DCLK2: variants seen among roughly 807,000 people sequenced by gnomAD.
The protein encoded by DCLK2 is serine/threonine-protein kinase DCLK2.
A neutral mutation model predicts 78.4 loss-of-function variants in DCLK2; 31 were observed. The observed-to-expected ratio is 0.40, with a 90% CI of 0.30 to 0.53. The LOEUF is 0.53. DCLK2 is among the 20% of genes least tolerant of loss of function. DCLK2 has a pLI of 0.61. For missense variants in DCLK2, 872 were observed against 973.7 expected, an observed-to-expected ratio of 0.90 and a Z score of 1.39; for synonymous variants, 407 against 374.9, an observed-to-expected ratio of 1.09 and a Z score of -0.99.
chr4:150,191,780 C>T (rs1188043987), intron 2 of DCLK2, among the ~76,000 whole-genome samples: 3 of 152,148 alleles, frequency 2.0e-5, no homozygotes, highest in Non-Finnish European at 4.4e-5. Context: ...ATTTGGGTCA[C>T]TTAAATAATA....
chr4:150,104,781 A>T (rs1731141791), intron 2 of DCLK2, among the ~76,000 whole-genome samples: 2 of 152,268 alleles, frequency 1.3e-5, no homozygotes, highest in Admixed American at 1.3e-4. Context: ...ACACTAAAAA[A>T]AAAATTTCTA....
intron 2 of DCLK2, among the ~76,000 whole-genome samples, chr4:150,129,018 A>G (rs539534028): frequency 1.1e-4 from 16 of 152,288 alleles, no homozygotes; most frequent in Admixed American, 9.1e-4. Flanking sequence ...AATATGTGCT[A>G]CTGAGCTTGT....
At chr4:150,120,492 A>G (rs1035962838) in intron 2 of DCLK2, among the ~76,000 whole-genome samples, 4 of 152,316 alleles carry the variant, frequency 2.6e-5, no homozygotes, top group African/African-American at 9.6e-5. Context: ...CAGCCTTAAG[A>G]AGAGGAATTA....
At chr4:150,247,736 T>A (rs747192772) in intron 13 of DCLK2, 37 bp downstream of exon 13, 1 of 1,560,758 alleles carries the variant, frequency 6.4e-7, no homozygotes. Flanking sequence ...TTGTATTACG[T>A]TGTGGGGTCC....
At chr4:150,249,731 A>C (rs775763620) in intron 15 of DCLK2, 47 bp downstream of exon 15, 1 of 1,507,026 alleles carries the variant, frequency 6.6e-7, no homozygotes, top group East Asian at 2.3e-5. Flanking sequence ...GCCGGCCTTG[A>C]AGTTTTTGAA....
chr4:150,132,608 G>C (rs1733396209), intron 2 of DCLK2, among the ~76,000 whole-genome samples: 1 of 151,942 alleles, frequency 6.6e-6, no homozygotes, highest in Non-Finnish European at 1.5e-5. Flanking sequence ...TTTTAAAGAC[G>C]GGGTTTTGCT....
intron 2 of DCLK2, among the ~76,000 whole-genome samples, chr4:150,191,580 GA>G (rs1025258801): frequency 6.6e-6 from 1 of 152,172 alleles, no homozygotes; most frequent in African/African-American, 2.4e-5. Context: ...AACACCAACG[GA>G]GATAGAAGAG....
At chr4:150,092,647 T>G (rs998699777) in intron 1 of DCLK2, among the ~76,000 whole-genome samples, 2 of 152,126 alleles carry the variant, frequency 1.3e-5, no homozygotes, top group Non-Finnish European at 2.9e-5. Flanking sequence ...TGTTTTGGGG[T>G]TTTTGTCCTA....
intron 15 of DCLK2, among the ~76,000 whole-genome samples, chr4:150,250,599 A>C (rs1227781272): frequency 6.6e-6 from 1 of 151,792 alleles, no homozygotes; most frequent in Admixed American, 6.6e-5. Flanking sequence ...TGCCAAGGTG[A>C]TGGGCGTCTG....
At chr4:150,224,598 G>C (rs1204741340) in intron 8 of DCLK2, 40 bp downstream of exon 8, 1 of 1,555,070 alleles carries the variant, frequency 6.4e-7, no homozygotes, top group South Asian at 1.2e-5. Context: ...AGAAACTAGA[G>C]TAACTTGGTG....
chr4:150,154,981 A>G (rs1735159929), intron 2 of DCLK2, among the ~76,000 whole-genome samples: 1 of 152,154 alleles, frequency 6.6e-6, no homozygotes, highest in Non-Finnish European at 1.5e-5. Flanking sequence ...TGTAAATCCC[A>G]GCACTTTGGG....
intron 2 of DCLK2, among the ~76,000 whole-genome samples, chr4:150,188,551 A>C (rs113129483): frequency 1.3e-5 from 2 of 152,290 alleles, no homozygotes; most frequent in Non-Finnish European, 2.9e-5. Flanking sequence ...TCTTATGTAC[A>C]CTATGTTTGG....
chr4:150,100,181 G>C (rs569897056), intron 1 of DCLK2, among the ~76,000 whole-genome samples: 27 of 152,308 alleles, frequency 1.8e-4, no homozygotes, highest in African/African-American at 6.5e-4. Context: ...CCAAAGTGCT[G>C]AGATTACAGG....
chr4:150,238,882 A>G (rs77487806), intron 10 of DCLK2, among the ~76,000 whole-genome samples: 2,223 of 152,262 alleles, frequency 0.015, 59 homozygotes, highest in African/African-American at 0.051. Flanking sequence ...CTAAACTTCC[A>G]AGGTTTTCCC....
intron 5 of DCLK2, among the ~76,000 whole-genome samples, chr4:150,206,369 C>G (rs1320677261): frequency 1.3e-5 from 2 of 152,004 alleles, no homozygotes; most frequent in Non-Finnish European, 2.9e-5. Context: ...TACTTATTCA[C>G]ACCGAGAGGA....
intron 2 of DCLK2, among the ~76,000 whole-genome samples, chr4:150,177,655 C>G (rs1241521725): frequency 6.6e-6 from 1 of 151,996 alleles, no homozygotes; most frequent in African/African-American, 2.4e-5. Context: ...AGGAATAGAT[C>G]GATGAGCCAA....
intron 7 of DCLK2, among the ~76,000 whole-genome samples, chr4:150,223,642 G>A (rs186191028): frequency 3.3e-5 from 5 of 152,098 alleles, no homozygotes; most frequent in Non-Finnish European, 7.4e-5. Context: ...TCCTTGGGAG[G>A]CTGAGGCGAC....
rs181789625 is a variant in DCLK2, at chr4:150,126,573, T to G, written c.756+23761T>G. 1.4e-4 allele frequency among the ~76,000 whole-genome samples: 22 copies of G among 152,324 alleles called. No individual in the cohort carries two copies. The East Asian group carries it at 3.9e-3, about 27-fold the overall frequency. Reference sequence around the variant, plus strand: ...AAGAATATCTCAGGAGATGGTAATATGTATTTTAGGTCTTTTTTTAGGGCT... The same window carrying G: ...AAGAATATCTCAGGAGATGGTAATAGGTATTTTAGGTCTTTTTTTAGGGCT... On this transcript the variant is annotated intron_variant, in intron 2 of 15. Transcript: ENST00000296550.
rs1043464814 is a variant in DCLK2 at position 150,256,498 on chromosome 4, C to T, written c.*251C>T. ...CTGCCAACAGCTGTTCGGAGAGACT[C>T]GTTCCAGATCATCCCGTCATTTTCA... On this transcript the variant is annotated 3_prime_UTR_variant, in exon 16 of 16. Transcript: ENST00000296550. 43 of 456,444 alleles carry T rather than the reference C, an allele frequency of 9.4e-5. No homozygotes were observed. The highest frequency in any genetic ancestry group is 6.7e-4 in the East Asian group (19 of 28,180). 28.3% of individuals were successfully genotyped at this position (456,444 alleles called of 1,614,324 possible). A position where few individuals can be genotyped will look rare whatever the true frequency, so the allele number is the denominator to read the frequency against.
Sources: allele counts gnomAD v4.1 joint callset (sites outside exome capture counted in the v4.1 genomes callset), GRCh38; gene constraint gnomAD v4.1.1; transcripts MANE v1.5; gene names NCBI Gene and HGNC (gene_info 2026-07-23, HGNC 2026-07-21).